Variants in SUMF1 observed in about 807,000 individuals in gnomAD.
SUMF1 encodes sulfatase modifying factor 1, also known as formylglycine-generating enzyme.
SUMF1 carries 48 observed loss-of-function variants against 47.6 expected under a neutral mutation model. The observed-to-expected ratio is 1.01, with a 90% CI of 0.80 to 1.28. The LOEUF (loss-of-function observed/expected upper bound fraction) is 1.28. Ranked by LOEUF, SUMF1 falls within the 50% of genes most tolerant of loss-of-function variation. SUMF1 has a pLI of 0.00. For missense variants in SUMF1, 571 were observed against 485.4 expected, an observed-to-expected ratio of 1.18 and a Z score of -1.66; for synonymous variants, 230 against 192.1, an observed-to-expected ratio of 1.20 and a Z score of -1.63.
chr3:4,142,944 G>A (rs1387412101), intron 8 of SUMF1, among the ~76,000 whole-genome samples: 2 of 152,006 alleles, frequency 1.3e-5, no homozygotes, highest in Non-Finnish European at 2.9e-5. Context: ...CCAGTCCCAA[G>A]AAGAACTCAG....
intron 8 of SUMF1, among the ~76,000 whole-genome samples, chr3:4,344,009 A>G (rs1699323141): frequency 6.6e-6 from 1 of 152,268 alleles, no homozygotes; most frequent in East Asian, 1.9e-4. Context: ...AATTAAATGA[A>G]TAGCCTTTAT....
At chr3:4,109,658 A>C (rs1220154039) in intron 8 of SUMF1, among the ~76,000 whole-genome samples, 1 of 151,530 alleles carries the variant, frequency 6.6e-6, no homozygotes, top group African/African-American at 2.4e-5. Context: ...TTCCCTTCTC[A>C]CTTCATTTCA....
intron 8 of SUMF1, among the ~76,000 whole-genome samples, chr3:4,099,863 CA>C (rs1257686527): frequency 6.7e-6 from 1 of 148,982 alleles, no homozygotes; most frequent in Non-Finnish European, 1.5e-5. Flanking sequence ...GCAATAGCAT[CA>C]AAAAAAATAC....
chr3:4,113,806 G>T (rs998138560), intron 8 of SUMF1, among the ~76,000 whole-genome samples: 2 of 152,076 alleles, frequency 1.3e-5, no homozygotes, highest in African/African-American at 4.8e-5. Context: ...CCTTAATGTG[G>T]GGTAGGCAGA....
chr3:4,326,875 G>C (rs1323348489), intron 8 of SUMF1, among the ~76,000 whole-genome samples: 3 of 151,880 alleles, frequency 2.0e-5, no homozygotes, highest in Non-Finnish European at 4.4e-5. Flanking sequence ...AAAGCATTCT[G>C]GTCATATCTG....
intron 8 of SUMF1, among the ~76,000 whole-genome samples, chr3:4,216,353 A>C (rs1306282365): frequency 6.6e-6 from 1 of 152,138 alleles, no homozygotes; most frequent in Non-Finnish European, 1.5e-5. Flanking sequence ...ATAAACTGAA[A>C]CTGGAACCCT....
intron 9 of SUMF1, among the ~76,000 whole-genome samples, chr3:4,048,233 G>A (rs919670320): frequency 3.3e-5 from 5 of 151,860 alleles, no homozygotes; most frequent in African/African-American, 7.3e-5. Context: ...ACCCATACTC[G>A]CCATCAGCAT....
At chr3:4,353,105 T>C (rs1699539543) in intron 8 of SUMF1, among the ~76,000 whole-genome samples, 1 of 152,160 alleles carries the variant, frequency 6.6e-6, no homozygotes, top group Admixed American at 6.5e-5. Flanking sequence ...ACATTGAACA[T>C]ATTAAAAGAT....
intron 8 of SUMF1, among the ~76,000 whole-genome samples, chr3:4,095,013 G>C (rs1574877477): frequency 2.6e-5 from 4 of 152,190 alleles, no homozygotes; most frequent in Admixed American, 2.6e-4. Flanking sequence ...GTTATAAAGA[G>C]AAAAATGAAT....
intron 8 of SUMF1, among the ~76,000 whole-genome samples, chr3:4,271,509 AGATAGAT>A (rs1359972916): frequency 6.7e-6 from 1 of 150,304 alleles, no homozygotes; most frequent in Non-Finnish European, 1.5e-5. Flanking sequence ...ATAGATAGAT[AGATAGAT>A]AGATACAGAG....
intron 8 of SUMF1, among the ~76,000 whole-genome samples, chr3:4,238,490 C>A (rs1236884597): frequency 6.6e-6 from 1 of 152,150 alleles, no homozygotes; most frequent in Non-Finnish European, 1.5e-5. Context: ...GAGATGGTAT[C>A]TCATTGTGGT....
intron 7 of SUMF1, among the ~76,000 whole-genome samples, chr3:4,376,853 T>G (rs1700345314): frequency 6.6e-6 from 1 of 152,186 alleles, no homozygotes; most frequent in Non-Finnish European, 1.5e-5. Flanking sequence ...TGGAGTGCAG[T>G]GCTGTGATCA....
At chr3:4,457,833 C>A (rs765352158) in intron 1 of SUMF1, among the ~76,000 whole-genome samples, 3 of 152,082 alleles carry the variant, frequency 2.0e-5, no homozygotes, top group Non-Finnish European at 4.4e-5. Flanking sequence ...ACAGGCCTGG[C>A]AAAGATTTCT....
intron 9 of SUMF1, among the ~76,000 whole-genome samples, chr3:4,039,618 ATC>A (rs1694872334): frequency 6.6e-6 from 1 of 151,246 alleles, no homozygotes; most frequent in African/African-American, 2.4e-5. Flanking sequence ...AATCCAGTCT[ATC>A]ATTGTTGGAC....
intron 8 of SUMF1, among the ~76,000 whole-genome samples, chr3:4,110,235 A>G (rs1693262660): frequency 2.6e-5 from 4 of 152,228 alleles, no homozygotes; most frequent in Admixed American, 2.6e-4. Flanking sequence ...GCTGCAGAAC[A>G]GCGGATATTG....
chr3:4,175,995 G>C (rs1694951471), intron 8 of SUMF1, among the ~76,000 whole-genome samples: 1 of 152,062 alleles, frequency 6.6e-6, no homozygotes, highest in South Asian at 2.1e-4. Context: ...AGAAAGAAGA[G>C]TAAAAAGAAA....
chr3:4,078,452 C>T (rs894249512), intron 8 of SUMF1, among the ~76,000 whole-genome samples: 3 of 152,030 alleles, frequency 2.0e-5, no homozygotes, highest in South Asian at 2.1e-4. Context: ...GTTACAGAAA[C>T]GGCCCACAAT....
intron 8 of SUMF1, among the ~76,000 whole-genome samples, chr3:4,291,856 T>C (rs1187703446): frequency 6.6e-6 from 1 of 152,192 alleles, no homozygotes; most frequent in Non-Finnish European, 1.5e-5. Flanking sequence ...GAATAAATTC[T>C]ATCTTAAATA....
At chr3:4,191,839 C>T (rs1440786380) in intron 8 of SUMF1, among the ~76,000 whole-genome samples, 1 of 151,886 alleles carries the variant, frequency 6.6e-6, no homozygotes, top group Non-Finnish European at 1.5e-5. Context: ...GTCTATTCAA[C>T]AAGGTGAAAA....
Sources: allele counts gnomAD v4.1 joint callset (sites outside exome capture counted in the v4.1 genomes callset), GRCh38; gene constraint gnomAD v4.1.1; transcripts MANE v1.5; gene names NCBI Gene and HGNC (gene_info 2026-07-23, HGNC 2026-07-21).